ATP2A3: variants seen among roughly 807,000 people sequenced by gnomAD.
ATP2A3 encodes sarcoplasmic/endoplasmic reticulum calcium ATPase 3.
A neutral mutation model predicts 106.8 loss-of-function variants in ATP2A3; 61 were observed. The ratio of observed to expected loss-of-function variants is 0.57; its 90% confidence interval spans 0.46 to 0.71. The LOEUF (loss-of-function observed/expected upper bound fraction) is 0.71, where lower values mean the gene tolerates loss of function less well. Among genes scored for constraint, ATP2A3 ranks in the 30% least tolerant of loss-of-function variants. The pLI, the probability that ATP2A3 is intolerant of heterozygous loss-of-function variation, is 0.00. For missense variants in ATP2A3, 1,201 were observed against 1,423.5 expected (o/e 0.84, Z 2.52); for synonymous variants, 611 against 609.3 (o/e 1.00, Z -0.04).
chr17:3,954,643 C>T (rs902645170), intron 1 of ATP2A3, among the ~76,000 whole-genome samples: 7 of 151,922 alleles, frequency 4.6e-5, no homozygotes, highest in South Asian at 2.1e-4. Context: ...ATTACAGGCA[C>T]GCGGCACCAC....
rs1597636529 is a variant in ATP2A3 at position 3,947,318 on chromosome 17, T to C, written c.1095+73A>G. 6.4e-7 allele frequency: 1 copy of C among 1,554,164 alleles called. No individual in the cohort carries two copies. Among genetic ancestry groups the C allele is most frequent in the Non-Finnish European group, 8.8e-7 (1 of 1,131,004 alleles). On this transcript the variant is annotated intron_variant, in intron 8 of 20. Coordinates refer to ENST00000397041, the MANE Select transcript of ATP2A3 (RefSeq NM_005173.4). The surrounding 1 kb of genome is among the most constrained non-coding windows in gnomAD (Gnocchi z 7.7). ...CCTCCATCCCTCACTGAAAAGGAGG[T>C]GGGGGAGAGACCCAGAGAGGGAGCC...
intron 7 of ATP2A3, among the ~76,000 whole-genome samples, chr17:3,949,127 C>CAAA (rs869265323): frequency 1.3e-4 from 8 of 59,994 alleles, no homozygotes; most frequent in African/African-American, 3.7e-4. Flanking sequence ...GACTCTGTCT[C>CAAA]AAAAAAAAAA....
rs952772140 is a variant in ATP2A3 at position 3,945,043 on chromosome 17, C to T, written c.1184+17G>A. 2 of 1,517,270 alleles carry T rather than the reference C, an allele frequency of 1.3e-6. No homozygotes were observed. The highest frequency in any genetic ancestry group is 1.8e-6 in the Non-Finnish European group (2 of 1,130,856). The allele number at this position is 1,517,270 out of a possible 1,614,324, so 94.0% of individuals were successfully genotyped here. A position where few individuals can be genotyped will look rare whatever the true frequency, so the allele number is the denominator to read the frequency against. On this transcript the variant is annotated intron_variant, in intron 9 of 20. Coordinates refer to ENST00000397041, the MANE Select transcript of ATP2A3 (RefSeq NM_005173.4). ...CCCCAGGCCGCCCGCCCGCGCGTCC[C>T]CTGGCCCCGCACTCACACTTCGCCC...
In ATP2A3 at chr17:3,925,138, C is replaced by T. The variant is rs981916411; in HGVS notation, c.*284G>A. 1 of 585,402 alleles carries T rather than the reference C, an allele frequency of 1.7e-6. No homozygotes were observed. Among genetic ancestry groups the T allele is most frequent in the Non-Finnish European group, 3.0e-6 (1 of 329,760 alleles). 36.3% of individuals were successfully genotyped at this position (585,402 alleles called of 1,614,324 possible). ...GCTGCCAGCTCCGGCTTCTTGGCTGCCCCCTCCCAGCCTGCAGCTCCTGGG... is the reference window on the plus strand; with the variant it reads ...GCTGCCAGCTCCGGCTTCTTGGCTGTCCCCTCCCAGCCTGCAGCTCCTGGG... On this transcript the variant is annotated 3_prime_UTR_variant, in exon 21 of 21. Transcript: ENST00000397041. This position sits in a 1 kb window ranked among gnomAD's most constrained non-coding sequence, Gnocchi z 4.2.
rs1420572486 is a variant in ATP2A3, at chr17:3,940,047, TTTG to T, written c.2100+921_2100+923del. Among the ~76,000 whole-genome samples the T allele has an allele frequency of 2.9e-3, 295 of 100,510 alleles. 13 individuals are homozygous for T. The highest frequency in any genetic ancestry group is 4.8e-3 in the Admixed American group (51 of 10,542). 65.9% of individuals were successfully genotyped at this position (100,510 alleles called of 152,430 possible). A position where few individuals can be genotyped will look rare whatever the true frequency, so the allele number is the denominator to read the frequency against. On this transcript the variant is annotated intron_variant, in intron 14 of 20. Transcript: ENST00000397041. The stretch of plus-strand genomic sequence containing the variant: ...GTGTCATATCTTTTTTTTTTTGTTT[TTTG>T]TTTTTTTTTTTTTTGGAGAGATGGG...
chr17:3,954,368 G>C (rs986073077), intron 1 of ATP2A3, among the ~76,000 whole-genome samples: 1 of 148,488 alleles, frequency 6.7e-6, no homozygotes, highest in African/African-American at 2.5e-5. Flanking sequence ...GTCCCCCCCA[G>C]GCCCTGCACT....
At chr17:3,954,862 C>T (rs1473680271) in intron 1 of ATP2A3, among the ~76,000 whole-genome samples, 3 of 152,126 alleles carry the variant, frequency 2.0e-5, no homozygotes, top group African/African-American at 7.2e-5. Context: ...GCCTCGGGCC[C>T]CTGAAGTGGT....
intron 14 of ATP2A3, among the ~76,000 whole-genome samples, chr17:3,939,460 T>C (rs1306261436): frequency 6.6e-6 from 1 of 151,870 alleles, no homozygotes; most frequent in Admixed American, 6.6e-5. Context: ...TTCAATAAAC[T>C]GAAATATTCA....
chr17:3,948,853 G>A (rs1356382376), intron 7 of ATP2A3, among the ~76,000 whole-genome samples: 1 of 152,084 alleles, frequency 6.6e-6, no homozygotes, highest in Non-Finnish European at 1.5e-5. Flanking sequence ...TCTGGGCCAG[G>A]TGCAGTGGCT....
chr17:3,937,726 G>T, intron 14 of ATP2A3, 90 bp from the exon 15 acceptor site: 2 of 1,313,136 alleles, frequency 1.5e-6, no homozygotes, highest in Non-Finnish European at 1.1e-6. Context: ...CAATCTTAGG[G>T]GATGTTCCAA....
chr17:3,960,567 G>T lies in ATP2A3; in HGVS notation c.118+3607C>A, dbSNP rs542925161. On this transcript the variant is annotated intron_variant, in intron 1 of 20. Coordinates refer to ENST00000397041, the MANE Select transcript of ATP2A3 (RefSeq NM_005173.4). ...GAAAGGACATGCCCAACACAGCCAGGTCTCTTGCCTTGGCTCCAGTCCAGC... is the reference window on the plus strand; with the variant it reads ...GAAAGGACATGCCCAACACAGCCAGTTCTCTTGCCTTGGCTCCAGTCCAGC... Among the ~76,000 whole-genome samples, 4 of 152,348 alleles carry T rather than the reference G, an allele frequency of 2.6e-5. No individual in the cohort carries two copies. In the South Asian group the frequency reaches 8.3e-4, roughly 32 times the overall value.
intron 1 of ATP2A3, among the ~76,000 whole-genome samples, chr17:3,962,437 CA>C (rs758965820): frequency 6.6e-6 from 1 of 152,142 alleles, no homozygotes; most frequent in Non-Finnish European, 1.5e-5. Context: ...CAGTGAACAT[CA>C]GCTTTTATTA....
At chr17:3,964,152 C>T (rs1387381148) in intron 1 of ATP2A3, 22 bp downstream of exon 1, 22 of 1,128,618 alleles carry the variant, frequency 1.9e-5, no homozygotes, top group Non-Finnish European at 2.3e-5. Flanking sequence ...GCTCCCCGGC[C>T]CGGCCCGGCC....
chr17:3,954,172 C>T (rs2054619360), intron 1 of ATP2A3, among the ~76,000 whole-genome samples: 1 of 152,202 alleles, frequency 6.6e-6, no homozygotes, highest in South Asian at 2.1e-4. Context: ...CAGCCCCTCC[C>T]TCAAATGGAG....
intron 20 of ATP2A3, chr17:3,927,556 C>T: frequency 2.0e-6 from 2 of 985,440 alleles, no homozygotes; most frequent in Non-Finnish European, 2.4e-6. Flanking sequence ...TGCAGGGATG[C>T]CTTGGGCCCC....
intron 14 of ATP2A3, among the ~76,000 whole-genome samples, chr17:3,939,774 C>A (rs1223704988): frequency 4.7e-5 from 5 of 106,532 alleles, no homozygotes; most frequent in Non-Finnish European, 8.6e-5. Flanking sequence ...GGTGACAGAG[C>A]GAGACTCTGT....
In ATP2A3 at chr17:3,950,768, C is replaced by A; in HGVS notation, c.469G>T (p.Asp157Tyr). The A allele has an allele frequency of 6.2e-7, 1 of 1,613,118 alleles. No individual in the cohort carries two copies. Among genetic ancestry groups the A allele is most frequent in the African/African-American group, 1.3e-5 (1 of 75,006 alleles). The change falls in exon 6 of 21, where the codon GAC (aspartate) becomes TAC (tyrosine). Residue 157 changes from aspartate (D) to tyrosine (Y), a missense_variant. Around this residue, in one of 2 missense-constraint regions of ATP2A3, gnomAD observed 266 missense variants for 246.8 expected, o/e 1.08. Coordinates refer to ENST00000397041, the MANE Select transcript of ATP2A3 (RefSeq NM_005173.4). The part of the protein sequence containing the change: ...PGDIVEVAVG[D>Y]KVPADLRLIE... Reference sequence around the variant, plus strand: ...AGGCGGAGGTCAGCAGGCACTTTGTCCCCCACTGTGCGGGGAGAATGGCTT... The same window carrying A: ...AGGCGGAGGTCAGCAGGCACTTTGTACCCCACTGTGCGGGGAGAATGGCTT...
At chr17:3,939,515 G>A (rs543133082) in intron 14 of ATP2A3, among the ~76,000 whole-genome samples, 4 of 152,184 alleles carry the variant, frequency 2.6e-5, no homozygotes, top group South Asian at 2.1e-4. Flanking sequence ...TAGGCCGGGC[G>A]CGGTGGCTCA....
chr17:3,953,579 C>T lies in ATP2A3; in HGVS notation c.136+114G>A. The T allele has an allele frequency of 8.6e-6, 13 of 1,509,496 alleles. No homozygotes were observed. The highest frequency in any genetic ancestry group is 9.9e-6 in the Non-Finnish European group (11 of 1,106,340). The allele number at this position is 1,509,496 out of a possible 1,614,324, so 93.5% of individuals were successfully genotyped here. ...TCGCTGAGAGGCTCAGGTGGGTGAT[C>T]CTGGGGAGCTCAGCAAGGCCTCACT... On this transcript the variant is annotated intron_variant, in intron 2 of 20. Coordinates refer to ENST00000397041, the MANE Select transcript of ATP2A3 (RefSeq NM_005173.4). The surrounding 1 kb of genome is among the most constrained non-coding windows in gnomAD (Gnocchi z 5.1).
Sources: gnomAD v4.1 joint callset for allele counts (sites outside exome capture counted in the v4.1 genomes callset) on GRCh38, gnomAD v4.1.1 for gene constraint, gnomAD v4.1.1 regional missense constraint, Gnocchi (gnomAD v3.1) non-coding constraint, MANE v1.5 for transcripts, NCBI Gene and HGNC (gene_info 2026-07-23, HGNC 2026-07-21) for gene names.